RAD51B: variants seen among roughly 807,000 people sequenced by gnomAD.
RAD51B encodes RAD51 paralog B, also known as DNA repair protein RAD51 homolog 2.
A neutral mutation model predicts 42.2 loss-of-function variants in RAD51B; 38 were observed. That is an observed-to-expected ratio of 0.90 (90% CI 0.70 to 1.18). The LOEUF is 1.18. RAD51B is among the 50% of genes most tolerant of loss of function. The pLI is 0.00. For synonymous variants in RAD51B, 154 were observed against 145.2 expected (o/e 1.06, Z -0.43); for missense variants, 373 against 400.7 (o/e 0.93, Z 0.59).
chr14:68,072,045 A>AT (rs2076748566), intron 7 of RAD51B, among the ~76,000 whole-genome samples: 1 of 121,586 alleles, frequency 8.2e-6, no homozygotes, highest in East Asian at 2.1e-4. Flanking sequence ...TTTTATATAT[A>AT]TATATAATTA....
At chr14:67,951,940 A>G (rs2074459832) in intron 7 of RAD51B, among the ~76,000 whole-genome samples, 1 of 152,166 alleles carries the variant, frequency 6.6e-6, no homozygotes, top group Non-Finnish European at 1.5e-5. Context: ...GTGACTCACA[A>G]ATGTTGAAAA....
chr14:68,049,291 G>C (rs964450743), intron 7 of RAD51B, among the ~76,000 whole-genome samples: 10 of 152,084 alleles, frequency 6.6e-5, no homozygotes, highest in African/African-American at 2.4e-4. Context: ...CACCAACATG[G>C]CACATGTATA....
intron 7 of RAD51B, among the ~76,000 whole-genome samples, chr14:68,061,029 A>G (rs1488875834): frequency 6.8e-6 from 1 of 147,268 alleles, no homozygotes; most frequent in Non-Finnish European, 1.5e-5. Flanking sequence ...CTTTCTGCTC[A>G]GAATTGCTTT....
intron 11 of RAD51B, among the ~76,000 whole-genome samples, chr14:68,666,813 C>T (rs937278964): frequency 6.6e-6 from 1 of 152,006 alleles, no homozygotes; most frequent in Non-Finnish European, 1.5e-5. Flanking sequence ...CTGCTTTTCC[C>T]CCAGTGTATT....
intron 7 of RAD51B, among the ~76,000 whole-genome samples, chr14:68,042,311 T>C (rs2076230724): frequency 1.3e-5 from 2 of 152,228 alleles, no homozygotes; most frequent in African/African-American, 4.8e-5. Flanking sequence ...CAGATACAGG[T>C]CATAATAGTA....
At chr14:67,825,272 A>C (rs1390290445) in intron 2 of RAD51B, among the ~76,000 whole-genome samples, 192 bp from the exon 3 acceptor site, 1 of 152,122 alleles carries the variant, frequency 6.6e-6, no homozygotes. Context: ...TAATTAGAAG[A>C]TAAGTTTGTG....
At chr14:68,341,206 T>C (rs1321989127) in intron 8 of RAD51B, among the ~76,000 whole-genome samples, 1 of 152,168 alleles carries the variant, frequency 6.6e-6, no homozygotes, top group Non-Finnish European at 1.5e-5. Flanking sequence ...GCATGATGAA[T>C]AAAATACATC....
intron 10 of RAD51B, among the ~76,000 whole-genome samples, chr14:68,527,495 C>T (rs1566926796): frequency 6.6e-6 from 1 of 152,260 alleles, no homozygotes; most frequent in African/African-American, 2.4e-5. Context: ...TGGCAGGGAT[C>T]AGGGGCACCC....
At chr14:68,658,122 C>T (rs1270242498) in intron 11 of RAD51B, among the ~76,000 whole-genome samples, 1 of 152,228 alleles carries the variant, frequency 6.6e-6, no homozygotes, top group African/African-American at 2.4e-5. Flanking sequence ...ACAGGAGCAC[C>T]AGGGACCATG....
intron 7 of RAD51B, among the ~76,000 whole-genome samples, chr14:68,128,330 A>G (rs1175883352): frequency 6.6e-6 from 1 of 152,228 alleles, no homozygotes; most frequent in Admixed American, 6.5e-5. Flanking sequence ...AGATCGCAAG[A>G]GGAGTTTCTT....
intron 10 of RAD51B, among the ~76,000 whole-genome samples, chr14:68,527,487 G>T (rs1887008526): frequency 6.6e-6 from 1 of 152,244 alleles, no homozygotes; most frequent in East Asian, 1.9e-4. Flanking sequence ...CAACAAAGTG[G>T]CAGGGATCAG....
downstream of RAD51B, among the ~76,000 whole-genome samples, chr14:68,597,385 T>C (rs17756344): frequency 0.018 from 2,678 of 152,132 alleles, 30 homozygotes; most frequent in Non-Finnish European, 0.029. Context: ...CCAAGGAACA[T>C]TTTCCCTATA....
At chr14:67,994,652 C>T (rs1464548562) in intron 7 of RAD51B, among the ~76,000 whole-genome samples, 1 of 152,188 alleles carries the variant, frequency 6.6e-6, no homozygotes. Context: ...CTTACCATGT[C>T]TAAGACTGTT....
chr14:68,594,727 A>G, exon 11 of RAD51B: 1 of 1,262,636 alleles, frequency 7.9e-7, no homozygotes, highest in Non-Finnish European at 1.0e-6. Context: ...TTGCCATTCC[A>G]ATGAGAATTT....
intron 7 of RAD51B, among the ~76,000 whole-genome samples, chr14:67,922,373 A>G (rs2044353928): frequency 6.6e-6 from 1 of 152,116 alleles, no homozygotes; most frequent in Non-Finnish European, 1.5e-5. Flanking sequence ...GTGGAAAAAT[A>G]CCCCTTAACA....
At chr14:68,121,244 A>C (rs401021) in intron 7 of RAD51B, among the ~76,000 whole-genome samples, 44,306 of 152,114 alleles carry the variant, frequency 0.29, 9,156 homozygotes, top group African/African-American at 0.59. Context: ...ATCATCATAA[A>C]AGCTTTGCAA....
intron 9 of RAD51B, among the ~76,000 whole-genome samples, chr14:68,436,531 G>A (rs1425068508): frequency 2.0e-5 from 3 of 152,098 alleles, no homozygotes; most frequent in African/African-American, 7.2e-5. Flanking sequence ...GTGAATTTTA[G>A]GACAGTTTTT....
intron 10 of RAD51B, among the ~76,000 whole-genome samples, chr14:68,588,261 C>G (rs1177764576): frequency 6.6e-6 from 1 of 152,198 alleles, no homozygotes; most frequent in African/African-American, 2.4e-5. Context: ...TGATGTGAGG[C>G]TCGACCTGGT....
chr14:68,377,540 G>A (rs970977763), intron 8 of RAD51B, among the ~76,000 whole-genome samples: 6 of 152,144 alleles, frequency 3.9e-5, no homozygotes, highest in African/African-American at 1.4e-4. Context: ...CTTTCAAATT[G>A]CTTGTCCAGC....
Sources: gnomAD v4.1 joint callset for allele counts (sites outside exome capture counted in the v4.1 genomes callset) on GRCh38, gnomAD v4.1.1 for gene constraint, MANE v1.5 for transcripts, NCBI Gene and HGNC (gene_info 2026-07-23, HGNC 2026-07-21) for gene names.